The following CRYBA4 variants were observed in gnomAD, a reference collection of about 807,000 sequenced individuals.
CRYBA4 encodes crystallin beta A4.
A neutral mutation model predicts 31.7 loss-of-function variants in CRYBA4; 30 were observed. That is an observed-to-expected ratio of 0.95 (90% CI 0.71 to 1.28). CRYBA4 has a LOEUF of 1.28. Ranked by LOEUF, CRYBA4 falls within the 50% of genes most tolerant of loss-of-function variation. CRYBA4 has a pLI of 0.00. For synonymous variants in CRYBA4, 102 were observed against 102.3 expected (o/e 1.00, Z 0.02); for missense variants, 225 against 260.7 (o/e 0.86, Z 0.94).
chr22:26,629,042 C>T (rs892580722), intron 5 of CRYBA4, among the ~76,000 whole-genome samples: 2 of 152,180 alleles, frequency 1.3e-5, no homozygotes, highest in East Asian at 1.9e-4. Flanking sequence ...AATGAATGCC[C>T]CTAGCCATAA....
In CRYBA4 at chr22:26,623,255, G is replaced by A. The variant is rs201421932; in HGVS notation, c.61G>A (p.Gly21Ser). Residue 21 changes from glycine (G) to serine (S), a missense_variant, in exon 3 of 6, where the codon GGC becomes AGC. Transcript: ENST00000354760. ...PWKMVVWDED[G>S]FQGRRHEFTA... Reference sequence around the variant, plus strand: ...ACAGATGGTGGTGTGGGATGAGGACGGCTTCCAGGGCCGGCGGCACGAGTT... The same window carrying A: ...ACAGATGGTGGTGTGGGATGAGGACAGCTTCCAGGGCCGGCGGCACGAGTT... 1.1e-4 allele frequency: 185 copies of A among 1,613,698 alleles called. 1 individual carries two copies. The South Asian group carries it at 1.2e-3, about 11-fold the overall frequency.
Position 26,623,346 on chromosome 22 carries a change from G to A in CRYBA4, c.152G>A (p.Ser51Asn), listed in dbSNP as rs773681343. 2 of 1,613,128 alleles carry A rather than the reference G, an allele frequency of 1.2e-6. No individual in the cohort carries two copies. Among genetic ancestry groups the A allele is most frequent in the Non-Finnish European group, 1.7e-6 (2 of 1,179,246 alleles). The change falls in exon 3 of 6, where the codon AGT (serine) becomes AAT (asparagine). Residue 51 changes from serine (S) to asparagine (N), a missense_variant. By Grantham distance (46) the Ser-to-Asn change is conservative (BLOSUM62 1). Coordinates refer to ENST00000354760, the MANE Select transcript of CRYBA4 (RefSeq NM_001886.3). Reference protein sequence around the residue: ...FETVRSLKVLSGAWVGFEHAG... With the variant: ...FETVRSLKVLNGAWVGFEHAG... ...ACTGTGCGATCTTTGAAAGTGCTGAGTGGAGCGTGAGTCTAGGGGGACACT... is the reference window on the plus strand; with the variant it reads ...ACTGTGCGATCTTTGAAAGTGCTGAATGGAGCGTGAGTCTAGGGGGACACT...
chr22:26,625,461 A>G lies in CRYBA4; in HGVS notation c.159-20A>G, dbSNP rs4276. On this transcript the variant is annotated intron_variant, in intron 3 of 5. Transcript: ENST00000354760. The stretch of plus-strand genomic sequence containing the variant: ...TGAGGGGGACGCTTACCTCCTGCAC[A>G]CTCTACCCTCTGTCTGCAGGTGGGT... The G allele has an allele frequency of 0.5, 810,933 of 1,610,650 alleles. 208,852 individuals carry two copies. Among genetic ancestry groups the G allele is most frequent in the African/African-American group, 0.75 (56,370 of 74,896 alleles).
At chr22:26,614,649 T>C in the CRYBA4 span, among the ~76,000 whole-genome samples, 33 of 152,004 alleles carry the variant, frequency 2.2e-4, no homozygotes, top group African/African-American at 7.7e-4. Flanking sequence ...AAGTGAAAAG[T>C]ACAAAGAAAA....
the CRYBA4 span, chr22:26,608,087 C>T: frequency 2.5e-6 from 4 of 1,612,348 alleles, no homozygotes; most frequent in Admixed American, 5.0e-5. Context: ...CCACTCCCTA[C>T]TTGCCTTTCT....
the CRYBA4 span, among the ~76,000 whole-genome samples, chr22:26,605,307 C>G: frequency 6.6e-6 from 1 of 152,120 alleles, no homozygotes; most frequent in African/African-American, 2.4e-5. Context: ...TAGCTTAAGT[C>G]CCATGAAGAC....
At chr22:26,628,836 T>C (rs1929831224) in intron 5 of CRYBA4, among the ~76,000 whole-genome samples, 1 of 152,134 alleles carries the variant, frequency 6.6e-6, no homozygotes, top group Non-Finnish European at 1.5e-5. Flanking sequence ...TCAGTGATTC[T>C]ATTAAAGGTT....
chr22:26,605,911 C>T, the CRYBA4 span, among the ~76,000 whole-genome samples: 20 of 152,114 alleles, frequency 1.3e-4, no homozygotes, highest in African/African-American at 3.9e-4. Flanking sequence ...AAGGGTTAGA[C>T]CAAGCTTATT....
the CRYBA4 span, among the ~76,000 whole-genome samples, chr22:26,590,575 C>A: frequency 1.3e-5 from 2 of 152,218 alleles, no homozygotes; most frequent in African/African-American, 4.8e-5. Flanking sequence ...ATACCACATT[C>A]TCTCCATTTA....
the CRYBA4 span, chr22:26,616,420 C>T: frequency 3.3e-5 from 30 of 904,298 alleles, no homozygotes; most frequent in Non-Finnish European, 4.6e-5. Flanking sequence ...TGCTTTCAGC[C>T]TCCTTGGAGC....
chr22:26,630,425 C>T lies in CRYBA4; in HGVS notation c.529C>T (p.Arg177Trp), dbSNP rs201666412. The T allele has an allele frequency of 9.9e-5, 159 of 1,614,000 alleles. 1 individual carries two copies. Among genetic ancestry groups the T allele is most frequent in the African/African-American group, 5.3e-5 (4 of 74,964 alleles). The stretch of plus-strand genomic sequence containing the variant: ...CCATTCCGGTGACTACAAACATTTC[C>T]GGGAGTGGGGCTCTCATGCCCCGAC... ...DHHSGDYKHF[R>W]EWGSHAPTFQ... Residue 177 changes from arginine to tryptophan, a missense_variant, in exon 6 of 6, where the codon CGG (arginine) becomes TGG (tryptophan). Transcript: ENST00000354760.
chr22:26,617,448 G>A (rs1929393240), upstream of CRYBA4, among the ~76,000 whole-genome samples: 1 of 152,182 alleles, frequency 6.6e-6, no homozygotes, highest in African/African-American at 2.4e-5. Context: ...CTCCAGGAAG[G>A]CTGTGCATAT....
At chr22:26,599,130 G>A in the CRYBA4 span, 13 of 279,016 alleles carry the variant, frequency 4.7e-5, no homozygotes, top group Non-Finnish European at 8.3e-5. Flanking sequence ...GCCCTGGCTG[G>A]ACCATCTCTT....
At chr22:26,602,036 G>C in the CRYBA4 span, 10 of 1,613,066 alleles carry the variant, frequency 6.2e-6, no homozygotes, top group Middle Eastern at 1.7e-4. Flanking sequence ...GGAAAGAGAG[G>C]CCGGGTCAGG....
chr22:26,599,277 G>T, the CRYBA4 span: 9 of 584,214 alleles, frequency 1.5e-5, no homozygotes, highest in Middle Eastern at 4.6e-4. Context: ...CAGGCAGAAA[G>T]AACTTTTCAG....
the CRYBA4 span, among the ~76,000 whole-genome samples, chr22:26,606,166 C>T: frequency 2.0e-5 from 3 of 152,150 alleles, no homozygotes; most frequent in East Asian, 1.9e-4. Flanking sequence ...GCTGCACAGA[C>T]GGACTACTTA....
chr22:26,629,286 T>C (rs558466649), intron 5 of CRYBA4, among the ~76,000 whole-genome samples: 1 of 152,022 alleles, frequency 6.6e-6, no homozygotes, highest in Non-Finnish European at 1.5e-5. Context: ...CTTTTTTTTT[T>C]TTCTTTTTTT....
At chr22:26,612,038 CAG>C in the CRYBA4 span, 2 of 1,470,742 alleles carry the variant, frequency 1.4e-6, no homozygotes, top group Non-Finnish European at 1.9e-6. Flanking sequence ...TTTACTGTGG[CAG>C]AGAGTGTGCC....
At chr22:26,602,039 G>A in the CRYBA4 span, 21 of 1,612,838 alleles carry the variant, frequency 1.3e-5, no homozygotes, top group African/African-American at 1.2e-4. Flanking sequence ...AAGAGAGGCC[G>A]GGTCAGGTGT....
Sources: gnomAD v4.1 joint callset for allele counts (sites outside exome capture counted in the v4.1 genomes callset) on GRCh38, gnomAD v4.1.1 for gene constraint, MANE v1.5 for transcripts, NCBI Gene and HGNC (gene_info 2026-07-23, HGNC 2026-07-21) for gene names.